Variants in LDLRAD4 observed in about 807,000 individuals in gnomAD.
The protein encoded by LDLRAD4 is low-density lipoprotein receptor class A domain-containing protein 4.
In LDLRAD4, 5 loss-of-function variants were observed where a neutral mutation model predicts 17.0. That is an observed-to-expected ratio of 0.29 (90% CI 0.15 to 0.62). The LOEUF is 0.62. Ranked by LOEUF, LDLRAD4 falls within the 20% of genes least tolerant of loss-of-function variation. LDLRAD4 has a pLI of 0.84. For missense variants in LDLRAD4, 340 were observed against 424.7 expected (o/e 0.80, Z 1.75); for synonymous variants, 168 against 171.8 (o/e 0.98, Z 0.17).
rs71174166 is a variant in LDLRAD4, at chr18:13,226,180, C to CTTTTTTTTTTTTTTTTTTTTT, written c.-467+7193_-467+7213dup. 1.7e-3 allele frequency among the ~76,000 whole-genome samples: 91 copies of CTTTTTTTTTTTTTTTTTTTTT among 52,202 alleles called. 26 individuals carry two copies. Among genetic ancestry groups the CTTTTTTTTTTTTTTTTTTTTT allele is most frequent in the African/African-American group, 3.5e-3 (45 of 12,848 alleles). The allele number at this position is 52,202 out of a possible 152,430, so 34.2% of individuals were successfully genotyped here. On this transcript the variant is annotated intron_variant, in intron 1 of 5. Transcript: ENST00000399848. ...GGACTACAGATGCTGCCATGCCTTG[C>CTTTTTTTTTTTTTTTTTTTTT]TTTTTTTTTTTTTTTTTTTTTGTAG... is the stretch of plus-strand genomic sequence containing the variant.
At chr18:13,634,421 G>C (rs969094460) in intron 4 of LDLRAD4, among the ~76,000 whole-genome samples, 3 of 152,144 alleles carry the variant, frequency 2.0e-5, no homozygotes, top group Non-Finnish European at 1.5e-5. Flanking sequence ...TTATTTTCAT[G>C]TACAATGAAC....
At chr18:13,495,972 C>T (rs1170807074) in intron 3 of LDLRAD4, among the ~76,000 whole-genome samples, 1 of 152,126 alleles carries the variant, frequency 6.6e-6, no homozygotes, top group African/African-American at 2.4e-5. Flanking sequence ...CTCCCCAGGC[C>T]CCTTCTAAAC....
intron 1 of LDLRAD4, among the ~76,000 whole-genome samples, chr18:13,361,351 A>G (rs2083656285): frequency 6.6e-6 from 1 of 152,216 alleles, no homozygotes; most frequent in Non-Finnish European, 1.5e-5. Flanking sequence ...TTTAACATAC[A>G]TAATATACCA....
At position 13,608,461 on chromosome 18, in the gene LDLRAD4, G is replaced by C. The variant is rs200890776; in HGVS notation, c.182-12656G>C. Reference sequence around the variant, plus strand: ...GAGATGACAGTTACAGATTCTGGGCGAGCAGAGCCTCCCTTTACCACTCAG... The same window carrying C: ...GAGATGACAGTTACAGATTCTGGGCCAGCAGAGCCTCCCTTTACCACTCAG... On this transcript the variant is annotated intron_variant, in intron 3 of 5. Transcript: ENST00000359446. Among the ~76,000 whole-genome samples, 4 of 152,240 alleles carry C rather than the reference G, an allele frequency of 2.6e-5. No homozygotes were observed. The East Asian group carries it at 7.7e-4, about 29-fold the overall frequency.
chr18:13,437,178 A>AC (rs1349740783), intron 2 of LDLRAD4, among the ~76,000 whole-genome samples: 1 of 152,176 alleles, frequency 6.6e-6, no homozygotes, highest in Non-Finnish European at 1.5e-5. Context: ...CAGGCCTGCC[A>AC]CCCTTATTCC....
At chr18:13,254,175 CG>C (rs1422662990) in intron 1 of LDLRAD4, among the ~76,000 whole-genome samples, 1 of 152,190 alleles carries the variant, frequency 6.6e-6, no homozygotes, top group Non-Finnish European at 1.5e-5. Context: ...CGGGCGGTGT[CG>C]CGCCGTGAAG....
intron 1 of LDLRAD4, among the ~76,000 whole-genome samples, chr18:13,342,209 T>G (rs1376757319): frequency 1.3e-5 from 2 of 152,124 alleles, no homozygotes; most frequent in East Asian, 1.9e-4. Flanking sequence ...TCTTATAATG[T>G]CTTGGTATAG....
chr18:13,335,678 A>G (rs1046183011), intron 1 of LDLRAD4, among the ~76,000 whole-genome samples: 2 of 152,148 alleles, frequency 1.3e-5, no homozygotes, highest in Non-Finnish European at 2.9e-5. Flanking sequence ...TGTGTTCAAA[A>G]CTGTTAGTCA....
intron 3 of LDLRAD4, chr18:13,616,282 G>A (rs1472704285): frequency 1.3e-5 from 2 of 151,344 alleles, no homozygotes; most frequent in African/African-American, 2.4e-5. Context: ...ACACCCCCTC[G>A]TGAGCTTGAA....
chr18:13,376,054 G>A (rs1003845064), intron 1 of LDLRAD4, among the ~76,000 whole-genome samples: 17 of 152,146 alleles, frequency 1.1e-4, no homozygotes, highest in Non-Finnish European at 7.4e-5. Context: ...CGTTCTTGCC[G>A]TTTGAGGGAA....
chr18:13,593,099 G>A (rs1458418562), intron 3 of LDLRAD4, among the ~76,000 whole-genome samples: 1 of 152,172 alleles, frequency 6.6e-6, no homozygotes, highest in East Asian at 1.9e-4. Flanking sequence ...GATCACTTGA[G>A]GTCATGCATT....
chr18:13,280,344 A>T (rs978625585), intron 1 of LDLRAD4, among the ~76,000 whole-genome samples: 1 of 152,192 alleles, frequency 6.6e-6, no homozygotes, highest in Non-Finnish European at 1.5e-5. Context: ...TTTAAATGGG[A>T]TAATATTTAT....
intron 3 of LDLRAD4, chr18:13,612,546 C>A (rs982604392): frequency 1.5e-3 from 50 of 34,402 alleles, no homozygotes; most frequent in Non-Finnish European, 2.6e-3. Flanking sequence ...CAGAAACACA[C>A]CCCCCCCCCC....
At chr18:13,503,258 A>G (rs2093641237) in intron 3 of LDLRAD4, among the ~76,000 whole-genome samples, 1 of 152,218 alleles carries the variant, frequency 6.6e-6, no homozygotes, top group Non-Finnish European at 1.5e-5. Context: ...TGGAAATGGC[A>G]GCATTGAAAA....
At chr18:13,536,983 A>G (rs963860841) in intron 3 of LDLRAD4, among the ~76,000 whole-genome samples, 5 of 152,218 alleles carry the variant, frequency 3.3e-5, no homozygotes, top group Non-Finnish European at 5.9e-5. Flanking sequence ...CCATTTGGCC[A>G]TGATGTATTA....
intron 3 of LDLRAD4, among the ~76,000 whole-genome samples, chr18:13,565,954 GA>G (rs2094595607): frequency 6.6e-6 from 1 of 152,248 alleles, no homozygotes; most frequent in African/African-American, 2.4e-5. Context: ...AACACAAGCC[GA>G]GCTGCTGCTC....
intron 3 of LDLRAD4, among the ~76,000 whole-genome samples, chr18:13,619,110 G>T (rs978741688): frequency 6.6e-6 from 1 of 152,172 alleles, no homozygotes; most frequent in Non-Finnish European, 1.5e-5. Context: ...TGGGGGTGCT[G>T]AGTCGCTCAT....
chr18:13,507,431 T>C (rs1003055842), intron 3 of LDLRAD4, among the ~76,000 whole-genome samples: 3 of 152,230 alleles, frequency 2.0e-5, no homozygotes, highest in Non-Finnish European at 4.4e-5. Flanking sequence ...TAGTTTTTCA[T>C]TCCTGAGATA....
chr18:13,238,254 G>A (rs1416187228), intron 1 of LDLRAD4, among the ~76,000 whole-genome samples: 1 of 152,186 alleles, frequency 6.6e-6, no homozygotes, highest in Non-Finnish European at 1.5e-5. Context: ...CAGATTGCTC[G>A]ATGACTGGTC....
Sources: allele counts gnomAD v4.1 joint callset (sites outside exome capture counted in the v4.1 genomes callset), GRCh38; gene constraint gnomAD v4.1.1; transcripts MANE v1.5; gene names NCBI Gene and HGNC (gene_info 2026-07-23, HGNC 2026-07-21).